TOPAZ1: variants seen among roughly 807,000 people sequenced by gnomAD.
The protein encoded by TOPAZ1 is testis and ovary specific TOPAZ 1.
TOPAZ1 carries 66 observed loss-of-function variants against 172.2 expected under a neutral mutation model. The ratio of observed to expected loss-of-function variants is 0.38; its 90% CI spans 0.31 to 0.47. TOPAZ1 has a LOEUF of 0.47. Among genes scored for constraint, TOPAZ1 ranks in the 20% least tolerant of loss-of-function variants. TOPAZ1 has a pLI of 0.99. For synonymous variants in TOPAZ1, 681 were observed against 683.9 expected, an observed-to-expected ratio of 1.00 and a Z score of 0.07; for missense variants, 1,822 against 1,972.4, an observed-to-expected ratio of 0.92 and a Z score of 1.44.
At chr3:44,311,653 T>G (rs9853705) in intron 16 of TOPAZ1, among the ~76,000 whole-genome samples, 70,035 of 151,946 alleles carry the variant, frequency 0.46, 17,371 homozygotes, top group East Asian at 0.81. Context: ...ATAAGTAAAA[T>G]TTTATCTCTA....
At chr3:44,276,639 T>C (rs991047353) in intron 8 of TOPAZ1, among the ~76,000 whole-genome samples, 1 of 127,416 alleles carries the variant, frequency 7.8e-6, no homozygotes, top group African/African-American at 2.9e-5. Flanking sequence ...TTTTTTTTTT[T>C]TTTTTTTTTT....
In TOPAZ1 at chr3:44,259,203, A is replaced by G. The variant is rs529203945; in HGVS notation, c.2955+2925A>G. 4.7e-5 allele frequency among the ~76,000 whole-genome samples: 7 copies of G among 149,860 alleles called. No individual in the cohort carries two copies. In the South Asian group the frequency reaches 1.5e-3, roughly 31 times the overall value. On this transcript the variant is annotated intron_variant, in intron 4 of 19. Coordinates refer to ENST00000309765, the MANE Select transcript of TOPAZ1 (RefSeq NM_001145030.2). ...GGGTATACAGCCATAAAAGCAAGAC[A>G]TTTACCCAGTGGCATTCCATCTTTT...
intron 19 of TOPAZ1, 21 bp from the exon 20 acceptor site, chr3:44,331,771 T>C (rs1700672637): frequency 6.6e-7 from 1 of 1,521,752 alleles, no homozygotes; most frequent in African/African-American, 1.4e-5. Flanking sequence ...TTTCTGACTT[T>C]ATGAGGTGTT....
rs888132836 is a variant in TOPAZ1, at chr3:44,243,698, G to A, written c.1192G>A (p.Val398Ile). 2 of 1,550,240 alleles carry A rather than the reference G, an allele frequency of 1.3e-6. No homozygotes were observed. Among genetic ancestry groups the A allele is most frequent in the African/African-American group, 2.7e-5 (2 of 72,922 alleles). ...CTCTTTGATGGATCATTTATTAAGT[G>A]TCCCAGAAACAGTAGAAAAAGAAAC... ...TVSLMDHLLS[V>I]PETVEKETSS... The change falls in exon 2 of 20, where the codon GTC becomes ATC. Residue 398 changes from valine to isoleucine, a missense_variant. By Grantham distance (29) the Val-to-Ile change is conservative. Coordinates refer to ENST00000309765, the MANE Select transcript of TOPAZ1 (RefSeq NM_001145030.2).
At chr3:44,275,796 C>T (rs555518133) in intron 8 of TOPAZ1, among the ~76,000 whole-genome samples, 9 of 151,924 alleles carry the variant, frequency 5.9e-5, no homozygotes, top group South Asian at 2.1e-4. Flanking sequence ...ACAGAGGCTG[C>T]GCTAATTTAC....
chr3:44,280,718 G>A (rs970600746), intron 8 of TOPAZ1, among the ~76,000 whole-genome samples: 19 of 152,284 alleles, frequency 1.2e-4, no homozygotes, highest in African/African-American at 4.3e-4. Context: ...TCCTTCTGGC[G>A]TGTGAAAATG....
At chr3:44,255,642 A>G (rs1305693085) in intron 3 of TOPAZ1, among the ~76,000 whole-genome samples, 1 of 106,490 alleles carries the variant, frequency 9.4e-6, no homozygotes, top group African/African-American at 3.2e-5. Flanking sequence ...ACAGTGCGAG[A>G]CTCTGTCTCA....
At chr3:44,332,798 G>GT (rs10708146), downstream of TOPAZ1, among the ~76,000 whole-genome samples, 393 of 148,482 alleles carry the variant, frequency 2.6e-3, 1 homozygote, top group Admixed American at 3.9e-3. Context: ...GGGACTGAAA[G>GT]TTTTTTTTTT....
At chr3:44,298,499 C>G (rs1200131455) in intron 12 of TOPAZ1, among the ~76,000 whole-genome samples, 1 of 151,920 alleles carries the variant, frequency 6.6e-6, no homozygotes, top group African/African-American at 2.4e-5. Flanking sequence ...AGGATTCACT[C>G]TACTTAATGT....
rs574877275 is a variant in TOPAZ1 at position 44,255,018 on chromosome 3, C to T, written c.2816C>T (p.Ser939Phe). 1.9e-5 allele frequency: 30 copies of T among 1,551,264 alleles called. No homozygotes were observed. The East Asian group carries it at 6.8e-4, about 35-fold the overall frequency. Residue 939 changes from serine to phenylalanine, a missense_variant, in exon 3 of 20, where the codon TCC (serine) becomes TTC (phenylalanine). This residue lies in a region of TOPAZ1 where 1,489 missense variants were observed against 1,490.8 expected (regional missense o/e 1.00). Transcript: ENST00000309765. ...CGWIKPDICA[S>F]NSAESEIKRD... ...TGGATAAAGCCAGACATCTGTGCTTCCAACTCAGCAGGTAAAAGTTGACAT... is the reference window on the plus strand; with the variant it reads ...TGGATAAAGCCAGACATCTGTGCTTTCAACTCAGCAGGTAAAAGTTGACAT...
intron 2 of TOPAZ1, among the ~76,000 whole-genome samples, chr3:44,253,829 G>T (rs1699663401): frequency 6.6e-6 from 1 of 152,140 alleles, no homozygotes; most frequent in Non-Finnish European, 1.5e-5. Context: ...CATCTTTCTT[G>T]GCTAGGAAGT....
chr3:44,286,202 G>A (rs147317963), intron 9 of TOPAZ1, among the ~76,000 whole-genome samples: 1,898 of 152,122 alleles, frequency 0.012, 36 homozygotes, highest in African/African-American at 0.041. Context: ...GTGACAGAGC[G>A]ATACTCTGTC....
chr3:44,270,947 CAT>C (rs1415466108), intron 8 of TOPAZ1, 137 bp downstream of exon 8: 12 of 742,894 alleles, frequency 1.6e-5, no homozygotes, highest in Non-Finnish European at 2.2e-5. Flanking sequence ...TAAATGGAAT[CAT>C]ATGTGTATTC....
chr3:44,263,868 T>G (rs1699801334), intron 5 of TOPAZ1, among the ~76,000 whole-genome samples: 1 of 152,174 alleles, frequency 6.6e-6, no homozygotes, highest in South Asian at 2.1e-4. Context: ...GTGTCCAAAT[T>G]AAATTTTTGT....
rs946769034 is a variant in TOPAZ1, at chr3:44,244,430, A to G, written c.1924A>G (p.Thr642Ala). 2 of 1,551,642 alleles carry G rather than the reference A, an allele frequency of 1.3e-6. No individual in the cohort carries two copies. Reference protein sequence around the residue: ...ARGNLTKLNLTATSKDGQEAN... With the variant: ...ARGNLTKLNLAATSKDGQEAN... ...AGGAAATTTAACGAAACTTAATTTG[A>G]CAGCGACTTCCAAAGATGGTCAGGA... Residue 642 changes from threonine to alanine, a missense_variant, in exon 2 of 20, where the codon ACA becomes GCA. This residue lies in a region of TOPAZ1 where 1,489 missense variants were observed against 1,490.8 expected (regional missense o/e 1.00). Transcript: ENST00000309765.
intron 9 of TOPAZ1, among the ~76,000 whole-genome samples, chr3:44,282,825 A>G (rs1179083023): frequency 6.6e-6 from 1 of 152,170 alleles, no homozygotes; most frequent in African/African-American, 2.4e-5. Flanking sequence ...TGCTGGTAAT[A>G]TCATTCTCCC....
chr3:44,324,643 TAAC>T (rs980831182), intron 18 of TOPAZ1, among the ~76,000 whole-genome samples: 3 of 152,188 alleles, frequency 2.0e-5, no homozygotes, highest in African/African-American at 7.2e-5. Flanking sequence ...TAAAAATTTT[TAAC>T]AACTTTATAG....
intron 11 of TOPAZ1, among the ~76,000 whole-genome samples, chr3:44,290,435 T>A (rs1700124052): frequency 6.6e-6 from 1 of 152,148 alleles, no homozygotes; most frequent in African/African-American, 2.4e-5. Context: ...ACAGGAACAA[T>A]ACTTCTCAGG....
Position 44,328,258 on chromosome 3 carries a change from T to C in TOPAZ1, c.4684T>C (p.Ser1562Pro), listed in dbSNP as rs1456830822. The C allele has an allele frequency of 3.0e-5, 45 of 1,486,830 alleles. No individual in the cohort carries two copies. The highest frequency in any genetic ancestry group is 4.0e-5 in the Non-Finnish European group (45 of 1,123,748). The allele number at this position is 1,486,830 out of a possible 1,614,324, so 92.1% of individuals were successfully genotyped here. A position where few individuals can be genotyped will look rare whatever the true frequency, so the allele number is the denominator to read the frequency against. ...KARAHYKSAL[S>P]LGCYPPLEGN... is the part of the protein sequence containing the mutation. ...ATTATTTGATTTTTCAGGTGCTCTTTCCTTGGGTTGCTACCCACCATTGGA... is the reference window on the plus strand; with the variant it reads ...ATTATTTGATTTTTCAGGTGCTCTTCCCTTGGGTTGCTACCCACCATTGGA... The change falls in exon 19 of 20, where the codon TCC (serine) becomes CCC (proline). Residue 1562 changes from serine (S) to proline (P), a missense_variant. Around this residue, in one of 2 missense-constraint regions of TOPAZ1, gnomAD observed 333 missense variants for 481.7 expected, o/e 0.69. Transcript: ENST00000309765.
Sources: allele counts gnomAD v4.1 joint callset (sites outside exome capture counted in the v4.1 genomes callset), GRCh38; gene constraint gnomAD v4.1.1; regional missense constraint gnomAD v4.1.1; transcripts MANE v1.5; gene names NCBI Gene and HGNC (gene_info 2026-07-23, HGNC 2026-07-21).